Variants in DGKB observed in about 807,000 individuals in gnomAD.
DGKB encodes diacylglycerol kinase beta.
A neutral mutation model predicts 114.3 loss-of-function variants in DGKB; 67 were observed. The observed-to-expected ratio is 0.59, with a 90% CI of 0.48 to 0.72. The LOEUF (loss-of-function observed/expected upper bound fraction) is 0.72, where lower values mean the gene tolerates loss of function less well. Among genes scored for constraint, DGKB ranks in the 30% least tolerant of loss-of-function variants. The pLI, the probability that DGKB is intolerant of heterozygous loss-of-function variation, is 0.00. For synonymous variants in DGKB, 398 were observed against 323.1 expected (o/e 1.23, Z -2.49); for missense variants, 907 against 975.2 (o/e 0.93, Z 0.93).
intron 1 of DGKB, among the ~76,000 whole-genome samples, chr7:14,914,250 A>ACT (rs1269909208): frequency 1.3e-5 from 2 of 152,166 alleles, no homozygotes; most frequent in African/African-American, 4.8e-5. Flanking sequence ...GAAGGAAAAG[A>ACT]AAGGCTGATA....
chr7:14,502,918 C>T (rs981155679), intron 20 of DGKB, among the ~76,000 whole-genome samples: 5 of 152,040 alleles, frequency 3.3e-5, no homozygotes, highest in Non-Finnish European at 7.4e-5. Context: ...ATCTTCAACA[C>T]TTTCCAATCT....
At position 14,956,922 on chromosome 7, in the gene DGKB, T is replaced by C. The variant is rs150605272; in HGVS notation, c.-188+17774A>G. Among the ~76,000 whole-genome samples, 889 of 152,016 alleles carry C rather than the reference T, an allele frequency of 5.8e-3. 8 individuals are homozygous for C. Among genetic ancestry groups the C allele is most frequent in the African/African-American group, 0.02 (839 of 41,532 alleles). ...CATTCTTGTAGCCTTTCTTCCTGTCTGCTACCTCCCGGCTTCCTCCCTCCA... is the reference window on the plus strand; with the variant it reads ...CATTCTTGTAGCCTTTCTTCCTGTCCGCTACCTCCCGGCTTCCTCCCTCCA... On this transcript the variant is annotated intron_variant, in intron 1 of 4. Coordinates refer to the DGKB transcript ENST00000437998.
At chr7:14,647,891 C>G (rs1713414046) in intron 13 of DGKB, among the ~76,000 whole-genome samples, 1 of 152,174 alleles carries the variant, frequency 6.6e-6, no homozygotes, top group Admixed American at 6.5e-5. Context: ...ACGGACAGCA[C>G]CTGGAAAATC....
chr7:14,312,796 T>C (rs1487171414), intron 23 of DGKB, among the ~76,000 whole-genome samples: 2 of 152,214 alleles, frequency 1.3e-5, no homozygotes, highest in African/African-American at 2.4e-5. Context: ...GGAAAACAAC[T>C]GACAGTATTT....
intron 21 of DGKB, among the ~76,000 whole-genome samples, chr7:14,379,721 G>C (rs1007182518): frequency 6.6e-6 from 1 of 152,144 alleles, no homozygotes; most frequent in African/African-American, 2.4e-5. Context: ...CACCACGCCA[G>C]CTAATTTTTT....
At chr7:14,473,752 G>A (rs1211836193) in intron 21 of DGKB, among the ~76,000 whole-genome samples, 1 of 152,216 alleles carries the variant, frequency 6.6e-6, no homozygotes, top group Non-Finnish European at 1.5e-5. Context: ...TGACCTGGAT[G>A]TGAGACATAG....
intron 17 of DGKB, among the ~76,000 whole-genome samples, chr7:14,603,019 A>G (rs1803840200): frequency 1.3e-5 from 2 of 152,186 alleles, no homozygotes; most frequent in South Asian, 4.1e-4. Context: ...TTGTGGATGC[A>G]TGTAAAAGGT....
chr7:14,698,248 T>C (rs1585756794), intron 7 of DGKB, 79 bp from the exon 8 acceptor site: 1 of 869,378 alleles, frequency 1.2e-6, no homozygotes, highest in Non-Finnish European at 1.8e-6. Context: ...GAAATTGTTT[T>C]GTTCAATGTG....
At chr7:14,377,084 G>C (rs571941248) in intron 21 of DGKB, among the ~76,000 whole-genome samples, 1 of 152,262 alleles carries the variant, frequency 6.6e-6, no homozygotes, top group Admixed American at 6.5e-5. Context: ...TATAGGATGG[G>C]GGGTTCTGAA....
intron 18 of DGKB, among the ~76,000 whole-genome samples, chr7:14,581,187 A>C (rs575977597): frequency 9.2e-5 from 14 of 152,298 alleles, no homozygotes; most frequent in Admixed American, 9.2e-4. Context: ...TTCAAAACTC[A>C]GGCAAGAGGA....
At chr7:14,667,285 G>C (rs147399843) in intron 13 of DGKB, among the ~76,000 whole-genome samples, 2 of 152,052 alleles carry the variant, frequency 1.3e-5, no homozygotes, top group African/African-American at 4.8e-5. Flanking sequence ...TATGGATCTT[G>C]ACCTTGTGGT....
intron 20 of DGKB, among the ~76,000 whole-genome samples, chr7:14,490,301 C>A (rs1054346079): frequency 6.6e-6 from 1 of 152,018 alleles, no homozygotes; most frequent in African/African-American, 2.4e-5. Flanking sequence ...GAGAATCAAG[C>A]TTTATTATAA....
chr7:14,950,036 G>A (rs1448924073), intron 1 of DGKB, among the ~76,000 whole-genome samples: 1 of 151,760 alleles, frequency 6.6e-6, no homozygotes, highest in East Asian at 1.9e-4. Flanking sequence ...CACCAACATG[G>A]CACACGTATA....
intron 1 of DGKB, among the ~76,000 whole-genome samples, chr7:14,935,153 G>A (rs574232613): frequency 3.2e-4 from 48 of 152,240 alleles, no homozygotes; most frequent in South Asian, 1.0e-3. Context: ...AATTTAAAGT[G>A]GCTTTGGCAG....
chr7:14,896,597 T>A (rs961355181), intron 1 of DGKB, among the ~76,000 whole-genome samples: 1 of 151,752 alleles, frequency 6.6e-6, no homozygotes, highest in African/African-American at 2.4e-5. Context: ...ATAGCTAATA[T>A]TTTTTAATGT....
At position 14,148,734 on chromosome 7, in the gene DGKB, C is replaced by G. The variant is rs1237929686; in HGVS notation, c.*397G>C. ...TGCAATTATGATCATTGTAGCGTTA[C>G]TGATTAGTGCTTCGTAATAATTGGA... On this transcript the variant is annotated 3_prime_UTR_variant, in exon 26 of 26. Transcript: ENST00000402815. The G allele has an allele frequency of 7.7e-6, 2 of 260,170 alleles. No homozygotes were observed. The highest frequency in any genetic ancestry group is 4.7e-5 in the African/African-American group (2 of 42,780). The allele number at this position is 260,170 out of a possible 1,614,324, so 16.1% of individuals were successfully genotyped here.
intron 21 of DGKB, among the ~76,000 whole-genome samples, chr7:14,405,462 T>C (rs542030822): frequency 8.5e-4 from 130 of 152,158 alleles, no homozygotes; most frequent in African/African-American, 2.8e-3. Flanking sequence ...TGAAATCAGC[T>C]TGTAGTAAGA....
chr7:14,553,182 T>C (rs960052115), intron 20 of DGKB, among the ~76,000 whole-genome samples: 3 of 152,242 alleles, frequency 2.0e-5, no homozygotes, highest in African/African-American at 7.2e-5. Context: ...TTATTTTCCA[T>C]CTAACAGTGA....
intron 1 of DGKB, among the ~76,000 whole-genome samples, chr7:14,867,130 C>G (rs979424503): frequency 7.9e-5 from 12 of 152,018 alleles, no homozygotes; most frequent in African/African-American, 2.9e-4. Flanking sequence ...GATAAAAGTC[C>G]TTTATGAGAT....
Sources: gnomAD v4.1 joint callset for allele counts (sites outside exome capture counted in the v4.1 genomes callset) on GRCh38, gnomAD v4.1.1 for gene constraint, MANE v1.5 for transcripts, NCBI Gene and HGNC (gene_info 2026-07-23, HGNC 2026-07-21) for gene names.